SLC5A12: variants seen among roughly 807,000 people sequenced by gnomAD.
SLC5A12 encodes sodium-coupled monocarboxylate transporter 2.
A neutral mutation model predicts 72.7 loss-of-function variants in SLC5A12; 46 were observed. The observed-to-expected ratio is 0.63, with a 90% CI of 0.50 to 0.81. The LOEUF is 0.81. SLC5A12 is among the 30% of genes least tolerant of loss of function. SLC5A12 has a pLI of 0.00. For synonymous variants in SLC5A12, 275 were observed against 264.4 expected (o/e 1.04, Z -0.39); for missense variants, 683 against 740.7 (o/e 0.92, Z 0.90).
In SLC5A12 at chr11:26,703,783, T is replaced by C; in HGVS notation, c.680+10A>G. ...CTTTGTAAAGTATGAAAAAGTTGCA[T>C]TGGACATACTCAAATATATGTAGTC... On this transcript the variant is annotated intron_variant, in intron 5 of 14. Coordinates refer to ENST00000396005, the MANE Select transcript of SLC5A12 (RefSeq NM_178498.4). 1 of 1,613,628 alleles carries C rather than the reference T, an allele frequency of 6.2e-7. No homozygotes were observed. Among genetic ancestry groups the C allele is most frequent in the Middle Eastern group, 1.7e-4 (1 of 6,058 alleles).
At chr11:26,695,645 T>G (rs543144372) in intron 8 of SLC5A12, among the ~76,000 whole-genome samples, 1 of 152,218 alleles carries the variant, frequency 6.6e-6, no homozygotes, top group African/African-American at 2.4e-5. Flanking sequence ...TTAACCTAGG[T>G]CAATTGGCTA....
At position 26,717,957 on chromosome 11, in the gene SLC5A12, C is replaced by G. The variant is rs1046808122; in HGVS notation, c.339+3419G>C. Among the ~76,000 whole-genome samples, 8 of 152,148 alleles carry G rather than the reference C, an allele frequency of 5.3e-5. 1 individual carries two copies. The highest frequency in any genetic ancestry group is 1.5e-5 in the Non-Finnish European group (1 of 68,030). On this transcript the variant is annotated intron_variant, in intron 1 of 14. Coordinates refer to ENST00000396005, the MANE Select transcript of SLC5A12 (RefSeq NM_178498.4). ...GAGGACAAAGGCAGAAGCTACAAGG[C>G]TCAGAAGGCCTAGGCTCCAAGCTCA...
chr11:26,691,728 G>A lies in SLC5A12; in HGVS notation c.1153+761C>T, dbSNP rs560534299. ...AATTACCTATATTTTCTATTAGTAA[G>A]TAAATACATAATTTGTTTATACTTT... On this transcript the variant is annotated intron_variant, in intron 9 of 14. Transcript: ENST00000396005. 4 of 152,238 alleles carry A rather than the reference G, an allele frequency of 2.6e-5. No individual in the cohort carries two copies. In the South Asian group the frequency reaches 6.2e-4, roughly 24 times the overall value. The allele number at this position is 152,238 out of a possible 1,614,324, so 9.4% of individuals were successfully genotyped here.
At chr11:26,709,943 T>G (rs1037856128) in intron 3 of SLC5A12, among the ~76,000 whole-genome samples, 2 of 152,116 alleles carry the variant, frequency 1.3e-5, no homozygotes, top group African/African-American at 4.8e-5. Context: ...GGTATACACC[T>G]GCCATGGTGG....
intron 12 of SLC5A12, among the ~76,000 whole-genome samples, chr11:26,679,859 A>G (rs919228968): frequency 6.6e-6 from 1 of 152,146 alleles, no homozygotes; most frequent in Non-Finnish European, 1.5e-5. Flanking sequence ...ATGAGTTCAG[A>G]AAGGTGCTTC....
At position 26,683,169 on chromosome 11, in the gene SLC5A12, TTGTTA is replaced by T. The variant is rs984886732; in HGVS notation, c.1308+583_1308+587del. ...TGCTATTATAAATGTTTTAAAAATA[TTGTTA>T]TGTTATTTTTCCAAATAATTATTCA... is the stretch of plus-strand genomic sequence containing the variant. On this transcript the variant is annotated intron_variant, in intron 11 of 14. Transcript: ENST00000396005. 5.9e-4 allele frequency among the ~76,000 whole-genome samples: 90 copies of T among 152,252 alleles called. 1 individual carries two copies. The highest frequency in any genetic ancestry group is 2.0e-3 in the African/African-American group (83 of 41,552).
At chr11:26,707,147 T>A (rs1001553214) in intron 4 of SLC5A12, among the ~76,000 whole-genome samples, 6 of 151,946 alleles carry the variant, frequency 3.9e-5, no homozygotes, top group African/African-American at 1.2e-4. Flanking sequence ...CTCAATGCTT[T>A]GAATGTGTTA....
chr11:26,690,231 A>G (rs1256059918), intron 9 of SLC5A12, among the ~76,000 whole-genome samples: 1 of 152,172 alleles, frequency 6.6e-6, no homozygotes, highest in South Asian at 2.1e-4. Context: ...GAGAATAAAT[A>G]GTAATGAATA....
At chr11:26,704,031 A>G (rs1433886783) in intron 4 of SLC5A12, 84 bp from the exon 5 acceptor site, 14 of 1,432,922 alleles carry the variant, frequency 9.8e-6, no homozygotes, top group South Asian at 2.5e-5. Context: ...TAATGCATGC[A>G]TGCATTCTTT....
In SLC5A12 at chr11:26,692,526, G is replaced by A. The variant is rs1854705819; in HGVS notation, c.1116C>T (p.Leu372=). 5 of 1,613,876 alleles carry A rather than the reference G, an allele frequency of 3.1e-6. No individual in the cohort carries two copies. Among genetic ancestry groups the A allele is most frequent in the Non-Finnish European group, 4.2e-6 (5 of 1,179,878 alleles). ...TGATCCAGGTGCTCAGCTTGTCGGA[G>A]AGATGAGGAAAACAGCTCTTGACAA... ...EDFVKSCFPH[L]SDKLSTWISK... is the part of the protein sequence containing the mutation. The change falls in exon 9 of 15, where the codon CTC becomes CTT. Residue 372 remains leucine (L), a synonymous_variant. Transcript: ENST00000396005.
intron 4 of SLC5A12, among the ~76,000 whole-genome samples, chr11:26,708,516 C>T (rs565894655): frequency 2.6e-5 from 4 of 151,930 alleles, no homozygotes; most frequent in African/African-American, 9.6e-5. Flanking sequence ...CACATAACAC[C>T]AAAATACATG....
In SLC5A12 at chr11:26,693,334, C is replaced by A. The variant is rs1001296758; in HGVS notation, c.1041-733G>T. 3.3e-5 allele frequency among the ~76,000 whole-genome samples: 5 copies of A among 152,098 alleles called. 1 individual carries two copies. In the South Asian group the frequency reaches 1.0e-3, roughly 32 times the overall value. ...AAAAAGGAGCTGTTACATTCAACAACCTAAAGCTACCAGAGTTGCTAGAAT... is the reference window on the plus strand; with the variant it reads ...AAAAAGGAGCTGTTACATTCAACAAACTAAAGCTACCAGAGTTGCTAGAAT... On this transcript the variant is annotated intron_variant, in intron 8 of 14. Transcript: ENST00000396005.
intron 4 of SLC5A12, among the ~76,000 whole-genome samples, chr11:26,704,713 G>C (rs1855044431): frequency 6.6e-6 from 1 of 152,234 alleles, no homozygotes; most frequent in Non-Finnish European, 1.5e-5. Context: ...TGGATGGACT[G>C]TTTTGGAGGT....
At chr11:26,695,463 C>T (rs1319992562) in intron 8 of SLC5A12, among the ~76,000 whole-genome samples, 1 of 151,982 alleles carries the variant, frequency 6.6e-6, no homozygotes, top group Non-Finnish European at 1.5e-5. Flanking sequence ...CATAAGTATA[C>T]TAGAATGGTG....
intron 4 of SLC5A12, among the ~76,000 whole-genome samples, chr11:26,705,130 A>G (rs967722458): frequency 6.6e-6 from 1 of 152,022 alleles, no homozygotes; most frequent in Non-Finnish European, 1.5e-5. Flanking sequence ...CCCTATCCCC[A>G]AGGGTTGTGA....
intron 1 of SLC5A12, among the ~76,000 whole-genome samples, chr11:26,720,577 T>A (rs572986331): frequency 1.4e-3 from 213 of 152,038 alleles, no homozygotes; most frequent in African/African-American, 4.9e-3. Flanking sequence ...TAAAAAAAAA[T>A]AGGTCTCTTT....
intron 9 of SLC5A12, among the ~76,000 whole-genome samples, chr11:26,687,732 C>T (rs529933449): frequency 6.6e-6 from 1 of 152,264 alleles, no homozygotes. Flanking sequence ...ATCTTTGAGG[C>T]TATCTTTTCC....
chr11:26,696,578 T>C (rs1163827229), intron 8 of SLC5A12, among the ~76,000 whole-genome samples: 1 of 152,256 alleles, frequency 6.6e-6, no homozygotes, highest in Non-Finnish European at 1.5e-5. Context: ...TATAGCCTAT[T>C]GCTCCACGGT....
At chr11:26,684,663 A>C (rs1854488111) in intron 10 of SLC5A12, among the ~76,000 whole-genome samples, 1 of 152,062 alleles carries the variant, frequency 6.6e-6, no homozygotes, top group Non-Finnish European at 1.5e-5. Context: ...TGAGGGCATC[A>C]CTCACGACTT....
Sources: allele counts gnomAD v4.1 joint callset (sites outside exome capture counted in the v4.1 genomes callset), GRCh38; gene constraint gnomAD v4.1.1; transcripts MANE v1.5; gene names NCBI Gene and HGNC (gene_info 2026-07-23, HGNC 2026-07-21).